The following DOCK3 variants were observed in gnomAD, a reference collection of about 807,000 sequenced individuals.
DOCK3 encodes dedicator of cytokinesis protein 3.
A neutral mutation model predicts 265.6 loss-of-function variants in DOCK3; 60 were observed. That is an observed-to-expected ratio of 0.23 (90% CI 0.18 to 0.28). The LOEUF is 0.28. DOCK3 is among the 10% of genes least tolerant of loss of function. The probability of loss-of-function intolerance (pLI) is 1.00; values close to 1 mark genes in which losing one functional copy is unlikely to be tolerated. For missense variants in DOCK3, 1,981 were observed against 2,594.3 expected (o/e 0.76, Z 5.14); for synonymous variants, 881 against 938.0 (o/e 0.94, Z 1.11).
chr3:50,955,491 T>C (rs2076706026), intron 5 of DOCK3, among the ~76,000 whole-genome samples: 1 of 152,222 alleles, frequency 6.6e-6, no homozygotes, highest in Non-Finnish European at 1.5e-5. Flanking sequence ...ACACCATGAA[T>C]ACTATACAGC....
intron 1 of DOCK3, among the ~76,000 whole-genome samples, chr3:50,761,202 TG>T (rs1287729229): frequency 6.6e-6 from 1 of 152,222 alleles, no homozygotes; most frequent in African/African-American, 2.4e-5. Flanking sequence ...AAAGCTGCAA[TG>T]TTTTCCTCTA....
At chr3:50,973,990 G>GT (rs1259355059) in intron 5 of DOCK3, among the ~76,000 whole-genome samples, 7 of 148,244 alleles carry the variant, frequency 4.7e-5, no homozygotes, top group Non-Finnish European at 1.1e-4. Flanking sequence ...GGGGTTGTTT[G>GT]TTTTTTTCTT....
intron 3 of DOCK3, among the ~76,000 whole-genome samples, chr3:50,876,107 ACCTGTTCCT>A (rs1252065620): frequency 6.6e-6 from 1 of 152,120 alleles, no homozygotes; most frequent in Non-Finnish European, 1.5e-5. Context: ...GAGAAACAGA[ACCTGTTCCT>A]CAGGTTCTGT....
intron 38 of DOCK3, among the ~76,000 whole-genome samples, chr3:51,345,403 G>C (rs137915209): frequency 2.0e-5 from 3 of 152,136 alleles, no homozygotes; most frequent in Admixed American, 6.5e-5. Context: ...TTGAGACTAC[G>C]AGTTTGAGAC....
At chr3:50,948,007 C>A (rs1156252736) in intron 5 of DOCK3, among the ~76,000 whole-genome samples, 3 of 143,670 alleles carry the variant, frequency 2.1e-5, no homozygotes, top group African/African-American at 7.7e-5. Flanking sequence ...AGGCACCTGC[C>A]ACCACGCCCA....
intron 1 of DOCK3, among the ~76,000 whole-genome samples, chr3:50,721,246 T>C (rs2037459850): frequency 6.6e-6 from 1 of 150,964 alleles, no homozygotes; most frequent in Non-Finnish European, 1.5e-5. Flanking sequence ...GTTGCATTTT[T>C]GTCATGAAAT....
chr3:51,212,335 G>A (rs2089556637), intron 13 of DOCK3, among the ~76,000 whole-genome samples: 3 of 151,784 alleles, frequency 2.0e-5, no homozygotes, highest in Non-Finnish European at 4.4e-5. Context: ...CTTTGCTTCT[G>A]TACACCATTT....
At chr3:51,029,963 G>C (rs576747243) in intron 5 of DOCK3, among the ~76,000 whole-genome samples, 61 of 151,908 alleles carry the variant, frequency 4.0e-4, no homozygotes, top group African/African-American at 1.4e-3. Context: ...GTTTCCCTGG[G>C]ACACGGGGTC....
intron 14 of DOCK3, among the ~76,000 whole-genome samples, chr3:51,220,892 C>G (rs1444733151): frequency 1.3e-5 from 2 of 151,826 alleles, no homozygotes; most frequent in Non-Finnish European, 2.9e-5. Flanking sequence ...TGGGCTAGCA[C>G]TAATGAAACA....
At chr3:50,943,027 T>G (rs2076336723) in intron 5 of DOCK3, among the ~76,000 whole-genome samples, 1 of 152,010 alleles carries the variant, frequency 6.6e-6, no homozygotes, top group Admixed American at 6.6e-5. Context: ...TCAGTAACAT[T>G]TAAGAAACAT....
chr3:50,719,555 G>T, intron 1 of DOCK3: 1 of 1,311,854 alleles, frequency 7.6e-7, no homozygotes, highest in Non-Finnish European at 1.1e-6. Flanking sequence ...GCACTCCATG[G>T]CCTGCATAAT....
chr3:50,994,606 G>A (rs572999067), intron 5 of DOCK3, among the ~76,000 whole-genome samples: 32 of 152,240 alleles, frequency 2.1e-4, no homozygotes, highest in African/African-American at 7.0e-4. Context: ...ATGAAAGTGG[G>A]ACAACAAAAA....
intron 23 of DOCK3, among the ~76,000 whole-genome samples, chr3:51,267,291 A>G (rs921059539): frequency 6.6e-6 from 1 of 152,132 alleles, no homozygotes; most frequent in Non-Finnish European, 1.5e-5. Context: ...CTAGAAATAC[A>G]TGTGACCCAG....
At chr3:51,141,139 A>G (rs961242084) in intron 9 of DOCK3, among the ~76,000 whole-genome samples, 1 of 150,682 alleles carries the variant, frequency 6.6e-6, no homozygotes, top group South Asian at 2.1e-4. Flanking sequence ...CTTCCTACCT[A>G]AGAAACCATT....
intron 5 of DOCK3, among the ~76,000 whole-genome samples, chr3:50,968,311 C>T (rs1254047091): frequency 6.6e-6 from 1 of 151,938 alleles, no homozygotes; most frequent in African/African-American, 2.4e-5. Flanking sequence ...AGGCTACAGG[C>T]ACACATCACC....
At chr3:51,368,945 C>T (rs2087465834) in intron 49 of DOCK3, among the ~76,000 whole-genome samples, 1 of 152,202 alleles carries the variant, frequency 6.6e-6, no homozygotes, top group East Asian at 1.9e-4. Flanking sequence ...AGTGGACCTC[C>T]ATCAAACTCC....
intron 12 of DOCK3, among the ~76,000 whole-genome samples, chr3:51,201,210 A>G (rs1227949068): frequency 2.0e-5 from 3 of 151,194 alleles, no homozygotes; most frequent in Non-Finnish European, 2.9e-5. Flanking sequence ...AAATGCTCCA[A>G]TTAAAAGACA....
chr3:51,140,675 T>A (rs902216093), intron 9 of DOCK3, among the ~76,000 whole-genome samples: 2 of 152,100 alleles, frequency 1.3e-5, no homozygotes, highest in African/African-American at 2.4e-5. Flanking sequence ...ATTTCCAGAC[T>A]GTTTTTCCAA....
At chr3:50,905,996 C>A (rs967822909) in intron 4 of DOCK3, among the ~76,000 whole-genome samples, 9 of 152,046 alleles carry the variant, frequency 5.9e-5, no homozygotes, top group South Asian at 4.2e-4. Context: ...TTGTCAAAGG[C>A]CTTTTCTGCA....
Sources: allele counts gnomAD v4.1 joint callset (sites outside exome capture counted in the v4.1 genomes callset), GRCh38; gene constraint gnomAD v4.1.1; transcripts MANE v1.5; gene names NCBI Gene and HGNC (gene_info 2026-07-23, HGNC 2026-07-21).